CTNNA2: variants seen among roughly 807,000 people sequenced by gnomAD.
CTNNA2 encodes catenin alpha-2.
CTNNA2 carries 42 observed loss-of-function variants against 101.0 expected under a neutral mutation model. That is an observed-to-expected ratio of 0.42 (90% CI 0.32 to 0.54). The LOEUF (loss-of-function observed/expected upper bound fraction) is 0.54, where lower values mean the gene tolerates loss of function less well. Ranked by LOEUF, CTNNA2 falls within the 20% of genes least tolerant of loss-of-function variation. CTNNA2 has a pLI of 0.14. For synonymous variants in CTNNA2, 450 were observed against 456.4 expected (o/e 0.99, Z 0.18); for missense variants, 871 against 1,223.1 (o/e 0.71, Z 4.29).
At chr2:80,149,987 C>T (rs1703591410) in intron 7 of CTNNA2, among the ~76,000 whole-genome samples, 1 of 152,200 alleles carries the variant, frequency 6.6e-6, no homozygotes, top group Non-Finnish European at 1.5e-5. Flanking sequence ...TCCTGCACCT[C>T]CACCTGCATC....
chr2:79,841,005 G>A (rs1363193708), intron 3 of CTNNA2, among the ~76,000 whole-genome samples: 7 of 152,050 alleles, frequency 4.6e-5, no homozygotes, highest in African/African-American at 1.7e-4. Context: ...TCCTGACCTC[G>A]TGATCCGCCC....
intron 3 of CTNNA2, among the ~76,000 whole-genome samples, chr2:79,822,325 A>G (rs578033471): frequency 2.6e-5 from 4 of 152,288 alleles, no homozygotes; most frequent in South Asian, 4.1e-4. Context: ...GAATGAGCTC[A>G]TTACATTTTG....
At chr2:80,316,379 AC>A (rs1369397851) in intron 7 of CTNNA2, among the ~76,000 whole-genome samples, 1 of 152,196 alleles carries the variant, frequency 6.6e-6, no homozygotes, top group Admixed American at 6.5e-5. Flanking sequence ...ACTTAAACTG[AC>A]CTTTTCCATT....
chr2:79,774,929 C>T (rs1353517139), intron 3 of CTNNA2, among the ~76,000 whole-genome samples: 1 of 152,136 alleles, frequency 6.6e-6, no homozygotes, highest in Non-Finnish European at 1.5e-5. Flanking sequence ...TCCTATATTG[C>T]AGATTGCGTC....
intron 4 of CTNNA2, among the ~76,000 whole-genome samples, chr2:79,494,083 TAAAA>T (rs1297396035): frequency 6.6e-6 from 1 of 152,078 alleles, no homozygotes; most frequent in Non-Finnish European, 1.5e-5. Flanking sequence ...ATAATATAAT[TAAAA>T]AGAAAGAATT....
intron 18 of CTNNA2, among the ~76,000 whole-genome samples, chr2:80,637,004 CTG>C (rs1361089594): frequency 6.6e-6 from 1 of 152,014 alleles, no homozygotes; most frequent in Non-Finnish European, 1.5e-5. Context: ...ATCCCTAAAA[CTG>C]TAATATTCAG....
intron 4 of CTNNA2, among the ~76,000 whole-genome samples, chr2:79,459,962 G>A (rs1386840917): frequency 6.6e-6 from 1 of 151,940 alleles, no homozygotes. Context: ...TCTTCTAGTA[G>A]AATGTCATCT....
At position 80,204,597 on chromosome 2, in the gene CTNNA2, TTG is replaced by T. The variant is rs1707415150; in HGVS notation, c.1057-188612_1057-188611del. Among the ~76,000 whole-genome samples, 6 of 152,186 alleles carry T rather than the reference TTG, an allele frequency of 3.9e-5. No homozygotes were observed. In the South Asian group the frequency reaches 1.2e-3, roughly 31 times the overall value. ...TTTTTTATATGCCTATTAGCATTTT[TTG>T]TCAAAGACATTCAACAAGTCTCTAG... On this transcript the variant is annotated intron_variant, in intron 7 of 18. Transcript: ENST00000402739.
At chr2:79,853,554 G>T (rs533484372) in intron 3 of CTNNA2, among the ~76,000 whole-genome samples, 1 of 152,250 alleles carries the variant, frequency 6.6e-6, no homozygotes, top group African/African-American at 2.4e-5. Flanking sequence ...TTCAAGGAAA[G>T]AGCCACAGGA....
At chr2:79,215,535 T>G (rs940320413) in intron 2 of CTNNA2, among the ~76,000 whole-genome samples, 1 of 152,084 alleles carries the variant, frequency 6.6e-6, no homozygotes, top group Non-Finnish European at 1.5e-5. Context: ...CAGGAGCAGA[T>G]TGGGTAATAA....
chr2:80,592,744 T>C (rs1696619652), intron 15 of CTNNA2, among the ~76,000 whole-genome samples: 1 of 152,194 alleles, frequency 6.6e-6, no homozygotes, highest in Admixed American at 6.5e-5. Context: ...CATTTGGTAT[T>C]AACATGTTAG....
intron 18 of CTNNA2, among the ~76,000 whole-genome samples, chr2:80,639,166 C>CTGTGCGATA (rs1673175790): frequency 1.3e-5 from 2 of 152,196 alleles, no homozygotes; most frequent in South Asian, 2.1e-4. Context: ...CACAGAATTT[C>CTGTGCGATA]ACTTATCAGG....
chr2:80,183,433 C>T (rs2148984638), intron 7 of CTNNA2, among the ~76,000 whole-genome samples: 1 of 152,218 alleles, frequency 6.6e-6, no homozygotes, highest in South Asian at 2.1e-4. Context: ...AGCAAGCAAA[C>T]CAAAACCACA....
chr2:79,945,887 A>C (rs1688459951), intron 7 of CTNNA2, among the ~76,000 whole-genome samples: 1 of 152,140 alleles, frequency 6.6e-6, no homozygotes, highest in Non-Finnish European at 1.5e-5. Context: ...TTATTGTGTC[A>C]TGCTTGCTAA....
At chr2:79,818,798 A>C (rs1677737735) in intron 3 of CTNNA2, among the ~76,000 whole-genome samples, 1 of 125,088 alleles carries the variant, frequency 8.0e-6, no homozygotes, top group Admixed American at 8.3e-5. Context: ...TCTGTATCAT[A>C]TACTTCAGGA....
chr2:79,733,848 C>T (rs1687352904), intron 2 of CTNNA2, among the ~76,000 whole-genome samples: 1 of 151,982 alleles, frequency 6.6e-6, no homozygotes, highest in Non-Finnish European at 1.5e-5. Context: ...AAATGTCAAA[C>T]CTCGTGTTCA....
At chr2:80,537,086 CCT>C (rs900414114) in intron 9 of CTNNA2, among the ~76,000 whole-genome samples, 16 of 152,048 alleles carry the variant, frequency 1.1e-4, no homozygotes, top group African/African-American at 3.9e-4. Flanking sequence ...CATCCCACCC[CCT>C]GACAGGCCCC....
intron 3 of CTNNA2, among the ~76,000 whole-genome samples, chr2:79,317,537 G>A (rs1485911851): frequency 1.3e-5 from 2 of 152,016 alleles, no homozygotes; most frequent in Non-Finnish European, 2.9e-5. Context: ...AATGTGGGAT[G>A]AACTGAATTG....
intron 7 of CTNNA2, among the ~76,000 whole-genome samples, chr2:80,232,330 T>G: frequency 2.6e-5 from 2 of 76,976 alleles, no homozygotes; most frequent in African/African-American, 9.4e-5. Context: ...GTTTTGTTTG[T>G]TTGTTTGTTT....
Sources: allele counts gnomAD v4.1 joint callset (sites outside exome capture counted in the v4.1 genomes callset), GRCh38; gene constraint gnomAD v4.1.1; transcripts MANE v1.5; gene names NCBI Gene and HGNC (gene_info 2026-07-23, HGNC 2026-07-21).